TMEM260: variants seen among roughly 807,000 people sequenced by gnomAD.
The protein encoded by TMEM260 is transmembrane protein 260.
In TMEM260, 82 loss-of-function variants were observed where a neutral mutation model predicts 88.9. The observed-to-expected ratio is 0.92, with a 90% CI of 0.77 to 1.11. The LOEUF (loss-of-function observed/expected upper bound fraction) is 1.11, where lower values mean the gene tolerates loss of function less well. TMEM260 is among the 50% of genes least tolerant of loss of function. TMEM260 has a pLI of 0.00. For synonymous variants in TMEM260, 314 were observed against 309.3 expected (o/e 1.02, Z -0.16); for missense variants, 902 against 853.4 (o/e 1.06, Z -0.71).
Position 56,648,138 on chromosome 14 carries a change from TAAA to T in TMEM260, c.*645_*647del, listed in dbSNP as rs1484804612. The T allele has an allele frequency of 2.0e-5, 3 of 151,828 alleles. No homozygotes were observed. The highest frequency in any genetic ancestry group is 7.3e-5 in the African/African-American group (3 of 41,312). 9.4% of individuals were successfully genotyped at this position (151,828 alleles called of 1,614,324 possible). On this transcript the variant is annotated 3_prime_UTR_variant, in exon 16 of 16. Coordinates refer to ENST00000261556, the MANE Select transcript of TMEM260 (RefSeq NM_017799.4). Reference sequence around the variant, plus strand: ...TATTTCAGTTGCAGAAACTGGCGAGTAAAAAAGATTTTGCATTTACTTAATTAA... The same window carrying T: ...TATTTCAGTTGCAGAAACTGGCGAGTAAAGATTTTGCATTTACTTAATTAA...
intron 14 of TMEM260, among the ~76,000 whole-genome samples, chr14:56,636,074 C>T (rs1012843612): frequency 3.3e-5 from 5 of 152,086 alleles, no homozygotes; most frequent in South Asian, 4.2e-4. Flanking sequence ...ATTTAATTGG[C>T]GTTCTGAATA....
In TMEM260 at chr14:56,647,610, C is replaced by T; in HGVS notation, c.*113C>T. The T allele has an allele frequency of 2.5e-6, 3 of 1,200,128 alleles. No homozygotes were observed. The highest frequency in any genetic ancestry group is 3.4e-6 in the Non-Finnish European group (3 of 882,032). 74.3% of individuals were successfully genotyped at this position (1,200,128 alleles called of 1,614,324 possible). A position where few individuals can be genotyped will look rare whatever the true frequency, so the allele number is the denominator to read the frequency against. On this transcript the variant is annotated 3_prime_UTR_variant, in exon 16 of 16. Coordinates refer to ENST00000261556, the MANE Select transcript of TMEM260 (RefSeq NM_017799.4). ...AAAAAATTTAAAACTAAGTCATCTC[C>T]CAGATATAAGTATCATGGTCCAGCA...
chr14:56,616,513 A>AT (rs1887604163), intron 8 of TMEM260, among the ~76,000 whole-genome samples: 1 of 152,026 alleles, frequency 6.6e-6, no homozygotes, highest in South Asian at 2.1e-4. Context: ...CATTGTGAAC[A>AT]TTTTCTCATA....
At chr14:56,658,311 A>C in the TMEM260 span, among the ~76,000 whole-genome samples, 5 of 151,302 alleles carry the variant, frequency 3.3e-5, no homozygotes, top group African/African-American at 1.2e-4. Flanking sequence ...GCAATGGGGC[A>C]ATCTCAGCTG....
At chr14:56,587,736 A>G (rs1240153093) in intron 3 of TMEM260, among the ~76,000 whole-genome samples, 1 of 152,104 alleles carries the variant, frequency 6.6e-6, no homozygotes, top group Non-Finnish European at 1.5e-5. Context: ...AAAATACTTC[A>G]TTATTTTGAA....
rs1335278944 is a variant in TMEM260, at chr14:56,621,529, A to G, written c.1227-2A>G. 8 of 1,598,248 alleles carry G rather than the reference A, an allele frequency of 5.0e-6. No homozygotes were observed. In the African/African-American group the frequency reaches 9.4e-5, roughly 19 times the overall value. ...TTAATTTTTTTGGATCCTTTTATTT[A>G]GTGTTTGTGACCAAAGGACCAACTA... On this transcript the variant is annotated splice_acceptor_variant, in intron 10 of 15. Coordinates refer to ENST00000261556, the MANE Select transcript of TMEM260 (RefSeq NM_017799.4). LOFTEE classifies it high-confidence loss of function.
In TMEM260 at chr14:56,616,043, C is replaced by T. The variant is rs1046521336; in HGVS notation, c.941+16C>T. 15 of 1,556,710 alleles carry T rather than the reference C, an allele frequency of 9.6e-6. No individual in the cohort carries two copies. The highest frequency in any genetic ancestry group is 4.1e-5 in the African/African-American group (3 of 73,712). ...TAGCAACAAAGTAAGTAATACAATT[C>T]CTTTTTCTGTTATTTTTCTATGTTC... On this transcript the variant is annotated intron_variant, in intron 8 of 15. Transcript: ENST00000261556.
intron 11 of TMEM260, among the ~76,000 whole-genome samples, 190 bp downstream of exon 11, chr14:56,621,892 A>G (rs1887947946): frequency 6.6e-6 from 1 of 152,264 alleles, no homozygotes; most frequent in African/African-American, 2.4e-5. Flanking sequence ...CTAATAGTGT[A>G]AGTCACACTA....
At chr14:56,641,210 T>C (rs1189801801) in intron 15 of TMEM260, among the ~76,000 whole-genome samples, 1 of 149,120 alleles carries the variant, frequency 6.7e-6, no homozygotes, top group Non-Finnish European at 1.5e-5. Context: ...AGACACATGA[T>C]TGTCAGATTC....
chr14:56,625,909 C>T (rs1349921411), intron 12 of TMEM260, among the ~76,000 whole-genome samples: 1 of 151,974 alleles, frequency 6.6e-6, no homozygotes, highest in Admixed American at 6.6e-5. Flanking sequence ...GGAATAATCA[C>T]TATATAAAAA....
intron 12 of TMEM260, among the ~76,000 whole-genome samples, chr14:56,630,226 A>G (rs1056935292): frequency 6.6e-6 from 1 of 152,118 alleles, no homozygotes; most frequent in Non-Finnish European, 1.5e-5. Flanking sequence ...ATATTTTAGC[A>G]TGGATTTCTT....
At chr14:56,593,558 G>C (rs1473914342) in intron 3 of TMEM260, among the ~76,000 whole-genome samples, 9 of 150,556 alleles carry the variant, frequency 6.0e-5, no homozygotes, top group Admixed American at 5.9e-4. Context: ...TTTTGGATTT[G>C]ATATTTTGAA....
At chr14:56,616,056 T>C (rs1365748601) in intron 8 of TMEM260, 29 bp downstream of exon 8, 8 of 1,489,388 alleles carry the variant, frequency 5.4e-6, no homozygotes, top group East Asian at 2.3e-5. Flanking sequence ...TTTTCTGTTA[T>C]TTTTCTATGT....
At chr14:56,585,168 G>A (rs577216524) in intron 2 of TMEM260, 136 bp downstream of exon 2, 178 of 690,082 alleles carry the variant, frequency 2.6e-4, no homozygotes, top group Non-Finnish European at 2.8e-4. Context: ...AGTACAGTAC[G>A]TGACAATTTA....
intron 3 of TMEM260, among the ~76,000 whole-genome samples, chr14:56,591,547 G>C (rs1374094489): frequency 2.0e-5 from 3 of 152,152 alleles, no homozygotes; most frequent in Non-Finnish European, 4.4e-5. Context: ...GCCTTGGCCG[G>C]TGCCTTTGAG....
chr14:56,630,968 T>C (rs1888552342), intron 12 of TMEM260, among the ~76,000 whole-genome samples: 1 of 152,140 alleles, frequency 6.6e-6, no homozygotes, highest in Non-Finnish European at 1.5e-5. Context: ...CTACTGTTAC[T>C]GGCGGCGAGT....
At position 56,619,988 on chromosome 14, in the gene TMEM260, A is replaced by T. The variant is rs1468827318; in HGVS notation, c.1226+1225A>T. 2.0e-5 allele frequency among the ~76,000 whole-genome samples: 3 copies of T among 152,308 alleles called. No homozygotes were observed. The East Asian group carries it at 5.8e-4, about 29-fold the overall frequency. On this transcript the variant is annotated intron_variant, in intron 10 of 15. Coordinates refer to ENST00000261556, the MANE Select transcript of TMEM260 (RefSeq NM_017799.4). Reference sequence around the variant, plus strand: ...AGAATGAGATCATGTCCTTTTTAGGAACATGGATGGAACTGGTGGCCATTA... The same window carrying T: ...AGAATGAGATCATGTCCTTTTTAGGTACATGGATGGAACTGGTGGCCATTA...
intron 3 of TMEM260, among the ~76,000 whole-genome samples, chr14:56,587,469 T>C (rs1409438105): frequency 1.3e-5 from 2 of 151,988 alleles, no homozygotes; most frequent in Non-Finnish European, 2.9e-5. Context: ...AGTACTTTTC[T>C]TTAAAAATAG....
In TMEM260 at chr14:56,609,205, C is replaced by G. The variant is rs140983222; in HGVS notation, c.736C>G (p.Arg246Gly). The change falls in exon 6 of 16, where the codon CGG (arginine) becomes GGG (glycine). Residue 246 changes from arginine to glycine, a missense_variant. Arg to Gly is a moderately radical substitution (Grantham distance 125, BLOSUM62 -2). Transcript: ENST00000261556. ...CATCTCATCTTACCTTAATCACGCCCGGTGGACCTGGGGAGACCAGACAAC... is the reference window on the plus strand; with the variant it reads ...CATCTCATCTTACCTTAATCACGCCGGGTGGACCTGGGGAGACCAGACAAC... ...LPISSYLNHA[R>G]WTWGDQTTLQ... 6.2e-6 allele frequency: 10 copies of G among 1,614,006 alleles called. No individual in the cohort carries two copies. Among genetic ancestry groups the G allele is most frequent in the Non-Finnish European group, 7.6e-6 (9 of 1,180,034 alleles).
Sources: allele counts gnomAD v4.1 joint callset (sites outside exome capture counted in the v4.1 genomes callset), GRCh38; gene constraint gnomAD v4.1.1; transcripts MANE v1.5; gene names NCBI Gene and HGNC (gene_info 2026-07-23, HGNC 2026-07-21).